PXN: variants seen among roughly 807,000 people sequenced by gnomAD.
PXN encodes paxillin.
Under a neutral mutation model 103.6 loss-of-function variants are expected in PXN, and 61 were observed. The observed-to-expected ratio is 0.59, with a 90% CI of 0.48 to 0.73. PXN has a LOEUF of 0.73. Ranked by LOEUF, PXN falls within the 30% of genes least tolerant of loss-of-function variation. The pLI is 0.00. For synonymous variants in PXN, 562 were observed against 607.8 expected (o/e 0.92, Z 1.11); for missense variants, 1,274 against 1,460.3 (o/e 0.87, Z 2.08).
In PXN at chr12:120,214,930, G is replaced by A. The variant is rs764392035; in HGVS notation, c.2643C>T (p.Ile881=). The A allele has an allele frequency of 2.9e-5, 47 of 1,613,874 alleles. No individual in the cohort carries two copies. Among genetic ancestry groups the A allele is most frequent in the African/African-American group, 2.3e-4 (17 of 74,924 alleles). The change falls in exon 12 of 15, where the codon ATC becomes ATT. Residue 881 remains isoleucine, a synonymous_variant. Transcript: ENST00000637617. This position sits in a 1 kb window ranked among gnomAD's most constrained non-coding sequence, Gnocchi z 5.0. ...HFVCTHCQEE[I]GSRNFFERDG... is the part of the protein sequence containing the mutation. ...CCCGCTCGAAGAAGTTCCGGGATCC[G>A]ATCTCCTCCTGGCAGTGGGTGCAGA...
chr12:120,253,062 A>G (rs888182526), intron 1 of PXN, among the ~76,000 whole-genome samples: 4 of 152,028 alleles, frequency 2.6e-5, no homozygotes, highest in Non-Finnish European at 5.9e-5. Context: ...TGATGTTTTA[A>G]ATGTTGGCAA....
chr12:120,251,098 G>A (rs1447781642), intron 1 of PXN, among the ~76,000 whole-genome samples: 9 of 151,854 alleles, frequency 5.9e-5, no homozygotes, highest in Non-Finnish European at 1.0e-4. Flanking sequence ...CCAGCTACTC[G>A]GGAGGCTGAG....
Position 120,265,657 on chromosome 12 carries a change from T to C in PXN, c.-28A>G. Reference sequence around the variant, plus strand: ...CCGGACCACGGGCGCCGGCTCAGGGTCGCGCTAGCTGCCCGTCCCGGGGCC... The same window carrying C: ...CCGGACCACGGGCGCCGGCTCAGGGCCGCGCTAGCTGCCCGTCCCGGGGCC... On this transcript the variant is annotated 5_prime_UTR_variant, in exon 1 of 15. Coordinates refer to ENST00000637617, the MANE Select transcript of PXN (RefSeq NM_001385981.1). The surrounding 1 kb of genome is among the most constrained non-coding windows in gnomAD (Gnocchi z 5.7). The C allele has an allele frequency of 1.4e-6, 2 of 1,460,808 alleles. No individual in the cohort carries two copies. The highest frequency in any genetic ancestry group is 2.6e-5 in the South Asian group (2 of 76,658). The allele number at this position is 1,460,808 out of a possible 1,614,324, so 90.5% of individuals were successfully genotyped here. A position where few individuals can be genotyped will look rare whatever the true frequency, so the allele number is the denominator to read the frequency against.
Position 120,212,240 on chromosome 12 carries a change from G to C in PXN, c.*74C>G. The C allele has an allele frequency of 7.7e-6, 12 of 1,553,972 alleles. No individual in the cohort carries two copies. The highest frequency in any genetic ancestry group is 9.6e-6 in the Non-Finnish European group (11 of 1,150,738). On this transcript the variant is annotated 3_prime_UTR_variant, in exon 15 of 15. Coordinates refer to ENST00000637617, the MANE Select transcript of PXN (RefSeq NM_001385981.1). This position sits in a 1 kb window ranked among gnomAD's most constrained non-coding sequence, Gnocchi z 7.2. ...AGTCGGGTTTACCCCTTCACCCCCG[G>C]GTGAAGTCTCTAGGTCACAGTCGCA...
At chr12:120,245,442 A>G (rs981750909) in intron 1 of PXN, among the ~76,000 whole-genome samples, 1 of 152,018 alleles carries the variant, frequency 6.6e-6, no homozygotes, top group South Asian at 2.1e-4. Context: ...AAGAAAAAAA[A>G]AAACAAAACA....
chr12:120,243,515 C>A (rs947124549), intron 1 of PXN, among the ~76,000 whole-genome samples: 2 of 152,170 alleles, frequency 1.3e-5, no homozygotes, highest in South Asian at 2.1e-4. Context: ...CACAGCAAGA[C>A]CCTGTCTCTA....
rs1879920417 is a variant in PXN at position 120,210,564 on chromosome 12, C to T, written c.*1750G>A. The T allele has an allele frequency of 6.6e-6, 1 of 152,268 alleles. No homozygotes were observed. The highest frequency in any genetic ancestry group is 1.5e-5 in the Non-Finnish European group (1 of 68,062). 9.4% of individuals were successfully genotyped at this position (152,268 alleles called of 1,614,324 possible). A position where few individuals can be genotyped will look rare whatever the true frequency, so the allele number is the denominator to read the frequency against. On this transcript the variant is annotated 3_prime_UTR_variant, in exon 15 of 15. Transcript: ENST00000637617. The stretch of plus-strand genomic sequence containing the variant: ...AATCAAATTTTCAAATAACCACTGA[C>T]TCAGAGAATGGACCCCAGAAACCCC...
At chr12:120,226,726 C>T (rs1000878792) in intron 1 of PXN, 2 of 1,098,014 alleles carry the variant, frequency 1.8e-6, no homozygotes, top group Non-Finnish European at 2.2e-6. Flanking sequence ...ATTCTGAGGT[C>T]GAGCCAGACC....
intron 1 of PXN, among the ~76,000 whole-genome samples, chr12:120,239,201 C>A (rs1889690785): frequency 6.6e-6 from 1 of 152,168 alleles, no homozygotes; most frequent in Non-Finnish European, 1.5e-5. Flanking sequence ...AATCCCAGCA[C>A]TTTGGGAGCC....
chr12:120,264,613 G>T, intron 1 of PXN, among the ~76,000 whole-genome samples: 1 of 152,232 alleles, frequency 6.6e-6, no homozygotes, highest in East Asian at 1.9e-4. Context: ...TAGCCTTGGG[G>T]CTCCAATAAC....
At chr12:120,230,009 A>T (rs192788326) in intron 1 of PXN, among the ~76,000 whole-genome samples, 2 of 152,300 alleles carry the variant, frequency 1.3e-5, no homozygotes, top group Admixed American at 1.3e-4. Context: ...CCACCTTAGC[A>T]CGCCTTGCAT....
chr12:120,214,968 G>T lies in PXN; in HGVS notation c.2605C>A (p.Pro869Thr). The T allele has an allele frequency of 6.2e-7, 1 of 1,613,900 alleles. No homozygotes were observed. The highest frequency in any genetic ancestry group is 8.5e-7 in the Non-Finnish European group (1 of 1,179,830). ...CAGTGGGTGCAGACGAAGTGCTCGG[G>T]GTGCCACGTCTTCCCCATGGCGGTC... ...VVTAMGKTWH[P>T]EHFVCTHCQE... The change falls in exon 12 of 15, where the codon CCC becomes ACC. Residue 869 changes from proline to threonine, a missense_variant. By Grantham distance (38) the Pro-to-Thr change is conservative. Transcript: ENST00000637617. This position sits in a 1 kb window ranked among gnomAD's most constrained non-coding sequence, Gnocchi z 5.0.
Position 120,221,504 on chromosome 12 carries a change from T to C in PXN, c.831+119A>G, listed in dbSNP as rs2136284938. On this transcript the variant is annotated intron_variant, in intron 6 of 14. Coordinates refer to ENST00000637617, the MANE Select transcript of PXN (RefSeq NM_001385981.1). The surrounding 1 kb of genome is among the most constrained non-coding windows in gnomAD (Gnocchi z 6.6). Reference sequence around the variant, plus strand: ...GCCAGGGCATGACAGTGTCCCTGGCTCAGGGGCAAGGCACCCAAACACTGA... The same window carrying C: ...GCCAGGGCATGACAGTGTCCCTGGCCCAGGGGCAAGGCACCCAAACACTGA... 1.7e-6 allele frequency: 2 copies of C among 1,203,072 alleles called. No homozygotes were observed. Among genetic ancestry groups the C allele is most frequent in the South Asian group, 3.0e-5 (2 of 66,066 alleles). 74.5% of individuals were successfully genotyped at this position (1,203,072 alleles called of 1,614,324 possible).
intron 1 of PXN, among the ~76,000 whole-genome samples, chr12:120,249,260 C>T (rs1891743360): frequency 6.6e-6 from 1 of 151,674 alleles, no homozygotes; most frequent in African/African-American, 2.4e-5. Flanking sequence ...AAGAAGATGA[C>T]GGCCACAAAC....
At chr12:120,236,472 T>G (rs1385596481) in intron 1 of PXN, among the ~76,000 whole-genome samples, 2 of 148,954 alleles carry the variant, frequency 1.3e-5, no homozygotes, top group Non-Finnish European at 3.0e-5. Context: ...CATGCCCAGA[T>G]GATCTTTTTT....
chr12:120,239,736 G>A (rs907982132), intron 1 of PXN, among the ~76,000 whole-genome samples: 3 of 152,180 alleles, frequency 2.0e-5, no homozygotes, highest in Non-Finnish European at 4.4e-5. Context: ...GGGTGACAGA[G>A]CGAGACTCTG....
intron 1 of PXN, among the ~76,000 whole-genome samples, chr12:120,230,308 C>G (rs969681421): frequency 2.6e-5 from 4 of 152,206 alleles, no homozygotes; most frequent in African/African-American, 9.6e-5. Context: ...CCCAGAGAAA[C>G]AAGTCCCTGT....
In PXN at chr12:120,223,801, A is replaced by G. The variant is rs759126619; in HGVS notation, c.273T>C (p.Ser91=). ...GGTTGGAGACACTGGAAGTTTTGGC[A>G]CTGGAGCCGTACACAGGTGATGAGG... is the stretch of plus-strand genomic sequence containing the variant. ...PQSSSPVYGS[S]AKTSSVSNPQ... The change falls in exon 3 of 15, where the codon AGT becomes AGC. Residue 91 remains serine, a synonymous_variant. Coordinates refer to ENST00000637617, the MANE Select transcript of PXN (RefSeq NM_001385981.1). 2 of 1,609,658 alleles carry G rather than the reference A, an allele frequency of 1.2e-6. No individual in the cohort carries two copies. Among genetic ancestry groups the G allele is most frequent in the South Asian group, 2.2e-5 (2 of 89,988 alleles).
At position 120,219,323 on chromosome 12, in the gene PXN, T is replaced by C; in HGVS notation, c.1600A>G (p.Ser534Gly). Reference protein sequence around the residue: ...RPTQGPETPRSPEGTTEAATQ... With the variant: ...RPTQGPETPRGPEGTTEAATQ... ...GCAGCTTCCGTGGTGCCCTCTGGGCTCCTTGGGGTTTCAGGTCCCTGGGTT... is the reference window on the plus strand; with the variant it reads ...GCAGCTTCCGTGGTGCCCTCTGGGCCCCTTGGGGTTTCAGGTCCCTGGGTT... The change falls in exon 7 of 15, where the codon AGC (serine) becomes GGC (glycine). Residue 534 changes from serine (S) to glycine (G), a missense_variant. Ser to Gly is a moderately conservative substitution (Grantham distance 56). This residue lies in a region of PXN where 1,178 missense variants were observed against 1,309.0 expected (regional missense o/e 0.90). Coordinates refer to ENST00000637617, the MANE Select transcript of PXN (RefSeq NM_001385981.1). The surrounding 1 kb of genome is among the most constrained non-coding windows in gnomAD (Gnocchi z 6.5). 1.3e-6 allele frequency: 2 copies of C among 1,598,424 alleles called. No individual in the cohort carries two copies. Among genetic ancestry groups the C allele is most frequent in the Middle Eastern group, 3.3e-4 (2 of 6,060 alleles).
Sources: allele counts gnomAD v4.1 joint callset (sites outside exome capture counted in the v4.1 genomes callset), GRCh38; gene constraint gnomAD v4.1.1; regional missense constraint gnomAD v4.1.1; non-coding constraint Gnocchi (gnomAD v3.1); transcripts MANE v1.5; gene names NCBI Gene and HGNC (gene_info 2026-07-23, HGNC 2026-07-21).